Variants in PLEKHA5 observed in about 807,000 individuals in gnomAD.
PLEKHA5 encodes pleckstrin homology domain-containing family A member 5.
In PLEKHA5, 55 loss-of-function variants were observed where a neutral mutation model predicts 181.9. That is an observed-to-expected ratio of 0.30 (90% CI 0.24 to 0.38). PLEKHA5 has a LOEUF of 0.38. Ranked by LOEUF, PLEKHA5 falls within the 10% of genes least tolerant of loss-of-function variation. The pLI is 1.00. For missense variants in PLEKHA5, 1,432 were observed against 1,549.5 expected, an observed-to-expected ratio of 0.92 and a Z score of 1.27; for synonymous variants, 535 against 529.4, an observed-to-expected ratio of 1.01 and a Z score of -0.15.
chr12:19,171,794 T>C (rs1383277792), intron 3 of PLEKHA5, among the ~76,000 whole-genome samples: 1 of 152,230 alleles, frequency 6.6e-6, no homozygotes, highest in African/African-American at 2.4e-5. Context: ...TGCTTTTTTA[T>C]ATTAAACTTT....
intron 26 of PLEKHA5, among the ~76,000 whole-genome samples, chr12:19,354,616 G>A (rs1033888968): frequency 6.6e-6 from 1 of 150,650 alleles, no homozygotes; most frequent in African/African-American, 2.4e-5. Flanking sequence ...AAGTAGCTGG[G>A]ACTACAGGCG....
At chr12:19,212,376 G>A (rs2057091040) in intron 3 of PLEKHA5, among the ~76,000 whole-genome samples, 3 of 152,192 alleles carry the variant, frequency 2.0e-5, no homozygotes, top group Admixed American at 6.5e-5. Flanking sequence ...TCAAGTAAAT[G>A]TAAGCAGGTT....
intron 29 of PLEKHA5, among the ~76,000 whole-genome samples, chr12:19,363,532 C>T (rs2095329203): frequency 1.3e-5 from 2 of 150,914 alleles, no homozygotes; most frequent in South Asian, 2.1e-4. Flanking sequence ...CACTCTGTCA[C>T]CCAGGCTGGA....
intron 3 of PLEKHA5, among the ~76,000 whole-genome samples, chr12:19,186,308 TAATAA>T (rs2049852163): frequency 6.6e-6 from 1 of 152,190 alleles, no homozygotes; most frequent in Non-Finnish European, 1.5e-5. Flanking sequence ...ACTTGATATA[TAATAA>T]AATATCAAAG....
intron 30 of PLEKHA5, among the ~76,000 whole-genome samples, chr12:19,367,470 GT>G (rs1449344553): frequency 4.0e-5 from 6 of 150,618 alleles, no homozygotes; most frequent in African/African-American, 1.2e-4. Context: ...GGCCAGGCTG[GT>G]CTTGAACTCC....
At chr12:19,352,708 A>G (rs554506632) in intron 25 of PLEKHA5, among the ~76,000 whole-genome samples, 31 of 147,778 alleles carry the variant, frequency 2.1e-4, no homozygotes, top group African/African-American at 7.0e-4. Context: ...GAGCCACAGC[A>G]CCTGGCCAAA....
chr12:19,225,867 A>T (rs892132177), intron 3 of PLEKHA5, among the ~76,000 whole-genome samples: 1 of 152,206 alleles, frequency 6.6e-6, no homozygotes, highest in Non-Finnish European at 1.5e-5. Flanking sequence ...TCATCCCAGG[A>T]TATATTCAGT....
At chr12:19,334,829 A>ATATATATAT (rs1555165772) in intron 20 of PLEKHA5, among the ~76,000 whole-genome samples, 1 of 18,602 alleles carries the variant, frequency 5.4e-5, no homozygotes, top group African/African-American at 1.2e-4. Context: ...AAAAAAAAAA[A>ATATATATAT]ATATATATAT....
At chr12:19,374,603 G>A (rs1441298119) in intron 31 of PLEKHA5, among the ~76,000 whole-genome samples, 5 of 144,874 alleles carry the variant, frequency 3.5e-5, no homozygotes, top group African/African-American at 1.3e-4. Context: ...AGGTTGCAGT[G>A]AGCCAAGATT....
intron 11 of PLEKHA5, among the ~76,000 whole-genome samples, chr12:19,281,547 A>G (rs1447666904): frequency 2.0e-5 from 3 of 151,778 alleles, no homozygotes; most frequent in Non-Finnish European, 1.5e-5. Flanking sequence ...AATGCACTTC[A>G]GCCTGGGCAA....
Position 19,287,488 on chromosome 12 carries a change from G to A in PLEKHA5, c.1795G>A (p.Asp599Asn), listed in dbSNP as rs753673939. The part of the protein sequence containing the change: ...AHHPKHVYVP[D>N]RRSVPAGLTL... ...ACTTTCCTAGCATGTCTATGTGCCT[G>A]ACAGAAGGTCAGTGCCAGCTGGCCT... The change falls in exon 13 of 32, where the codon GAC becomes AAC. Residue 599 changes from aspartate (D) to asparagine (N), a missense_variant. Transcript: ENST00000429027. 1 of 1,609,888 alleles carries A rather than the reference G, an allele frequency of 6.2e-7. No homozygotes were observed. Among genetic ancestry groups the A allele is most frequent in the East Asian group, 2.2e-5 (1 of 44,862 alleles).
At chr12:19,333,306 C>T (rs1378564559) in intron 20 of PLEKHA5, among the ~76,000 whole-genome samples, 1 of 151,630 alleles carries the variant, frequency 6.6e-6, no homozygotes, top group East Asian at 2.0e-4. Flanking sequence ...AGGCCAGCCG[C>T]GGGTGGCTCA....
intron 3 of PLEKHA5, among the ~76,000 whole-genome samples, chr12:19,192,446 C>T (rs913198581): frequency 1.3e-5 from 2 of 152,048 alleles, no homozygotes; most frequent in Non-Finnish European, 2.9e-5. Flanking sequence ...ACCTATAATC[C>T]CAGCACTTTG....
At chr12:19,291,524 C>T (rs772111795) in intron 14 of PLEKHA5, 120 bp from the exon 15 acceptor site, 11 of 585,366 alleles carry the variant, frequency 1.9e-5, no homozygotes, top group East Asian at 5.9e-5. Context: ...TGAAAGTTGT[C>T]GTGTACTGTG....
chr12:19,252,497 A>C lies in PLEKHA5; in HGVS notation c.228-1443A>C, dbSNP rs188023792. Among the ~76,000 whole-genome samples, 5 of 152,246 alleles carry C rather than the reference A, an allele frequency of 3.3e-5. No homozygotes were observed. In the East Asian group the frequency reaches 9.6e-4, roughly 29 times the overall value. ...TTGAGCATCTAATATTTTTGGCTTA[A>C]ATAAATAGGGTTTTTTTCCTTCTTT... is the stretch of plus-strand genomic sequence containing the variant. On this transcript the variant is annotated intron_variant, in intron 3 of 31. Transcript: ENST00000429027.
At chr12:19,206,149 T>A (rs1271458274) in intron 3 of PLEKHA5, among the ~76,000 whole-genome samples, 4 of 152,102 alleles carry the variant, frequency 2.6e-5, no homozygotes, top group Non-Finnish European at 5.9e-5. Flanking sequence ...TCTGAGCTCA[T>A]ATTATGGTGA....
intron 30 of PLEKHA5, among the ~76,000 whole-genome samples, chr12:19,368,294 C>T (rs936454901): frequency 3.3e-5 from 5 of 151,932 alleles, no homozygotes; most frequent in African/African-American, 1.2e-4. Flanking sequence ...AGTTCAAGAC[C>T]AGCCTAGGCA....
At chr12:19,231,177 G>GT (rs1403992275) in intron 3 of PLEKHA5, among the ~76,000 whole-genome samples, 1 of 151,874 alleles carries the variant, frequency 6.6e-6, no homozygotes, top group East Asian at 1.9e-4. Context: ...TTTGAGGCCT[G>GT]TTTTTTTGAT....
At chr12:19,355,706 G>A (rs1293460286) in intron 26 of PLEKHA5, among the ~76,000 whole-genome samples, 1 of 151,982 alleles carries the variant, frequency 6.6e-6, no homozygotes, top group Non-Finnish European at 1.5e-5. Context: ...AATTATCATG[G>A]AATAAAGATA....
Sources: allele counts gnomAD v4.1 joint callset (sites outside exome capture counted in the v4.1 genomes callset), GRCh38; gene constraint gnomAD v4.1.1; transcripts MANE v1.5; gene names NCBI Gene and HGNC (gene_info 2026-07-23, HGNC 2026-07-21).